CHMP4B: variants seen among roughly 807,000 people sequenced by gnomAD.
CHMP4B encodes SNF7 homolog associated with Alix 1.
CHMP4B carries 1 observed loss-of-function variant against 25.1 expected under a neutral mutation model. The observed-to-expected ratio is 0.04, with a 90% CI of 0.01 to 0.19. The LOEUF is 0.19. Ranked by LOEUF, CHMP4B falls within the 10% of genes least tolerant of loss-of-function variation. The pLI, the probability that CHMP4B is intolerant of heterozygous loss-of-function variation, is 1.00. For synonymous variants in CHMP4B, 101 were observed against 115.6 expected (o/e 0.87, Z 0.81); for missense variants, 151 against 289.7 (o/e 0.52, Z 3.48).
chr20:33,851,287 G>T (rs1439606573), intron 3 of CHMP4B, among the ~76,000 whole-genome samples: 1 of 152,204 alleles, frequency 6.6e-6, no homozygotes, highest in Non-Finnish European at 1.5e-5. Flanking sequence ...CCTTCAGCAG[G>T]CTTCAGGTCA....
At chr20:33,814,323 C>T (rs1051900605) in intron 1 of CHMP4B, among the ~76,000 whole-genome samples, 2 of 152,168 alleles carry the variant, frequency 1.3e-5, no homozygotes, top group African/African-American at 4.8e-5. Flanking sequence ...ACTGTGTCAG[C>T]CCTTCAGGAA....
chr20:33,819,060 C>T (rs944095528), intron 1 of CHMP4B, among the ~76,000 whole-genome samples: 4 of 152,160 alleles, frequency 2.6e-5, no homozygotes, highest in Non-Finnish European at 4.4e-5. Flanking sequence ...CAGGCATGCG[C>T]CACCAAGCCC....
At chr20:33,845,836 C>T (rs1281849834) in intron 1 of CHMP4B, among the ~76,000 whole-genome samples, 3 of 152,184 alleles carry the variant, frequency 2.0e-5, no homozygotes, top group Admixed American at 6.5e-5. Flanking sequence ...CAGCCCCACG[C>T]CCTGGGGCAC....
At chr20:33,824,903 C>A (rs549210252) in intron 1 of CHMP4B, among the ~76,000 whole-genome samples, 2 of 152,254 alleles carry the variant, frequency 1.3e-5, no homozygotes, top group Non-Finnish European at 2.9e-5. Flanking sequence ...TGTCAAGCCA[C>A]TGCAAATAGA....
intron 1 of CHMP4B, among the ~76,000 whole-genome samples, chr20:33,813,063 C>T (rs1337133351): frequency 6.6e-6 from 1 of 151,298 alleles, no homozygotes; most frequent in East Asian, 1.9e-4. Context: ...GGGAGGGATG[C>T]CACTTTGGAT....
intron 4 of CHMP4B, among the ~76,000 whole-genome samples, chr20:33,852,931 A>G (rs1405387893): frequency 6.6e-6 from 1 of 152,176 alleles, no homozygotes; most frequent in African/African-American, 2.4e-5. Flanking sequence ...ATCCACACAG[A>G]ACTTCTAGAA....
chr20:33,851,079 G>A lies in CHMP4B; in HGVS notation c.483+13G>A, dbSNP rs771223331. ...AGAGTTTGACGAGGTGAGTAGTTTTGTACAGATCCCATAAGCTTCACAAAT... is the reference window on the plus strand; with the variant it reads ...AGAGTTTGACGAGGTGAGTAGTTTTATACAGATCCCATAAGCTTCACAAAT... On this transcript the variant is annotated intron_variant, in intron 3 of 4. Coordinates refer to ENST00000217402, the MANE Select transcript of CHMP4B (RefSeq NM_176812.5). 2 of 1,490,704 alleles carry A rather than the reference G, an allele frequency of 1.3e-6. No individual in the cohort carries two copies. Among genetic ancestry groups the A allele is most frequent in the Non-Finnish European group, 1.9e-6 (2 of 1,067,516 alleles). 92.3% of individuals were successfully genotyped at this position (1,490,704 alleles called of 1,614,324 possible). A position where few individuals can be genotyped will look rare whatever the true frequency, so the allele number is the denominator to read the frequency against.
chr20:33,844,301 G>A (rs759422283), intron 1 of CHMP4B, among the ~76,000 whole-genome samples: 36 of 152,208 alleles, frequency 2.4e-4, no homozygotes, highest in Non-Finnish European at 4.3e-4. Context: ...CCCCCATGAA[G>A]AACCCTGGAT....
At chr20:33,831,581 C>T (rs1449585717) in intron 1 of CHMP4B, among the ~76,000 whole-genome samples, 1 of 151,874 alleles carries the variant, frequency 6.6e-6, no homozygotes, top group African/African-American at 2.4e-5. Context: ...GCTATGTTGC[C>T]CAGGCTGGTC....
intron 1 of CHMP4B, among the ~76,000 whole-genome samples, chr20:33,840,322 A>G (rs1979502644): frequency 6.6e-6 from 1 of 152,020 alleles, no homozygotes; most frequent in Non-Finnish European, 1.5e-5. Context: ...GACACAGGCA[A>G]GGAAAGAGAG....
chr20:33,823,509 C>T (rs2122787740), intron 1 of CHMP4B, among the ~76,000 whole-genome samples: 1 of 152,112 alleles, frequency 6.6e-6, no homozygotes, highest in East Asian at 1.9e-4. Flanking sequence ...GTAGCTAGAA[C>T]TATAGGCATG....
In CHMP4B at chr20:33,832,956, ATTT is replaced by A. The variant is rs113338093; in HGVS notation, c.191-15500_191-15498del. Among the ~76,000 whole-genome samples, 186 of 147,648 alleles carry A rather than the reference ATTT, an allele frequency of 1.3e-3. 2 individuals carry two copies. Among genetic ancestry groups the A allele is most frequent in the South Asian group, 0.011 (53 of 4,620 alleles). On this transcript the variant is annotated intron_variant, in intron 1 of 4. Coordinates refer to ENST00000217402, the MANE Select transcript of CHMP4B (RefSeq NM_176812.5). ...ACCATGCCTGGCTAATTAAAAAAAA[ATTT>A]TTTTTTTTTTGTAGAGACAGGGTCT...
intron 1 of CHMP4B, among the ~76,000 whole-genome samples, chr20:33,823,488 C>T (rs1485594605): frequency 6.6e-6 from 1 of 152,130 alleles, no homozygotes; most frequent in Non-Finnish European, 1.5e-5. Context: ...CCTCCCACCT[C>T]GGCCTCCTGA....
At chr20:33,817,099 A>C (rs1451086126) in intron 1 of CHMP4B, among the ~76,000 whole-genome samples, 2 of 152,242 alleles carry the variant, frequency 1.3e-5, no homozygotes, top group Admixed American at 1.3e-4. Flanking sequence ...GTTGAAAAGC[A>C]CAGTGTCTTA....
chr20:33,847,311 G>T (rs1036342890), intron 1 of CHMP4B, among the ~76,000 whole-genome samples: 5 of 151,860 alleles, frequency 3.3e-5, no homozygotes, highest in African/African-American at 1.2e-4. Flanking sequence ...CAAAGGGACA[G>T]CTTTTTGAGC....
intron 1 of CHMP4B, among the ~76,000 whole-genome samples, chr20:33,812,977 T>C (rs1207574905): frequency 2.6e-5 from 4 of 151,322 alleles, no homozygotes; most frequent in African/African-American, 9.7e-5. Context: ...AACAGGAAAA[T>C]AAATGAAGAA....
chr20:33,836,050 G>A (rs372177164), intron 1 of CHMP4B, among the ~76,000 whole-genome samples: 9 of 152,120 alleles, frequency 5.9e-5, no homozygotes, highest in African/African-American at 1.4e-4. Context: ...CAAACAAACC[G>A]TATCCAAACC....
chr20:33,828,583 G>A (rs1007352676), intron 1 of CHMP4B, among the ~76,000 whole-genome samples: 5 of 152,156 alleles, frequency 3.3e-5, no homozygotes, highest in Non-Finnish European at 7.3e-5. Flanking sequence ...CTGACTCTCT[G>A]TGTGACCAGG....
chr20:33,849,706 A>G (rs190035692), intron 2 of CHMP4B, among the ~76,000 whole-genome samples: 192 of 152,298 alleles, frequency 1.3e-3, no homozygotes, highest in African/African-American at 4.3e-3. Context: ...CCTTTTGGGT[A>G]CTCAGCTGTG....
Sources: gnomAD v4.1 joint callset for allele counts (sites outside exome capture counted in the v4.1 genomes callset) on GRCh38, gnomAD v4.1.1 for gene constraint, MANE v1.5 for transcripts, NCBI Gene and HGNC (gene_info 2026-07-23, HGNC 2026-07-21) for gene names.